LRP1: variants seen among roughly 807,000 people sequenced by gnomAD.
LRP1 encodes the protein LDL receptor related protein 1.
Under a neutral mutation model 541.5 loss-of-function variants are expected in LRP1, and 51 were observed. The ratio of observed to expected loss-of-function variants is 0.09; its 90% CI spans 0.08 to 0.12. LRP1 has a LOEUF of 0.12. LRP1 is among the 10% of genes least tolerant of loss of function. The probability of loss-of-function intolerance (pLI) is 1.00; values close to 1 mark genes in which losing one functional copy is unlikely to be tolerated. For missense variants in LRP1, 3,878 were observed against 6,376.2 expected (o/e 0.61, Z 13.34); for synonymous variants, 2,219 against 2,470.8 (o/e 0.90, Z 3.02).
rs371781657 is a variant in LRP1, at chr12:57,166,944, C to G, written c.2812C>G (p.Pro938Ala). 1.2e-6 allele frequency: 2 copies of G among 1,613,474 alleles called. No individual in the cohort carries two copies. The highest frequency in any genetic ancestry group is 8.5e-7 in the Non-Finnish European group (1 of 1,179,432). ...CTGCCCCCCAGCCCGCACCTGCCCC[C>G]CCAACCAGTTCTCCTGTGCCAGTGG... is the stretch of plus-strand genomic sequence containing the variant. ...NATCSARTCP[P>A]NQFSCASGRC... Residue 938 changes from proline to alanine, a missense_variant, in exon 18 of 89, where the codon CCC becomes GCC. Physicochemically the swap from Pro to Ala is conservative, Grantham distance 27 (BLOSUM62 -1). Transcript: ENST00000243077.
Position 57,193,588 on chromosome 12 carries a change from T to A in LRP1, c.7707T>A (p.Thr2569=). ...CAGACTCCCGCCGCTGCAAGAAGACTTTCCGGCAGTGCAGCAATGGGCGCT... is the reference window on the plus strand; with the variant it reads ...CAGACTCCCGCCGCTGCAAGAAGACATTCCGGCAGTGCAGCAATGGGCGCT... ...SYCNSRRCKK[T]FRQCSNGRCV... is the part of the protein sequence containing the mutation. Residue 2569 remains threonine (T), a synonymous_variant, in exon 47 of 89, where the codon ACT becomes ACA. Transcript: ENST00000243077. 2.5e-6 allele frequency: 4 copies of A among 1,614,146 alleles called. No homozygotes were observed. Among genetic ancestry groups the A allele is most frequent in the Non-Finnish European group, 3.4e-6 (4 of 1,180,018 alleles).
rs547114561 is a variant in LRP1 at position 57,154,934 on chromosome 12, G to T, written c.1227+233G>T. On this transcript the variant is annotated intron_variant, in intron 8 of 88. Coordinates refer to ENST00000243077, the MANE Select transcript of LRP1 (RefSeq NM_002332.3). This position sits in a 1 kb window ranked among gnomAD's most constrained non-coding sequence, Gnocchi z 4.6. The stretch of plus-strand genomic sequence containing the variant: ...GAAACACCACTTCTGTTTACTTCCT[G>T]TTTCTCATTTGACCCTTATAATAAC... 2.0e-4 allele frequency: 119 copies of T among 604,308 alleles called. No homozygotes were observed. Among genetic ancestry groups the T allele is most frequent in the Non-Finnish European group, 3.3e-4 (111 of 339,098 alleles). The allele number at this position is 604,308 out of a possible 1,614,324, so 37.4% of individuals were successfully genotyped here.
chr12:57,158,256 G>C lies in LRP1; in HGVS notation c.1562-146G>C. ...CGTCCTGTATGTTAGCGTGTGCGTG[G>C]TCTGTCCATCTGACCCAGAGCCTCG... On this transcript the variant is annotated intron_variant, in intron 10 of 88. Transcript: ENST00000243077. The surrounding 1 kb of genome is among the most constrained non-coding windows in gnomAD (Gnocchi z 5.3). The C allele has an allele frequency of 4.3e-6, 3 of 693,478 alleles. No individual in the cohort carries two copies. The African/African-American group carries it at 5.3e-5, about 12-fold the overall frequency. 43.0% of individuals were successfully genotyped at this position (693,478 alleles called of 1,614,324 possible).
intron 69 of LRP1, 26 bp from the exon 70 acceptor site, chr12:57,203,363 C>T (rs1176256978): frequency 2.5e-6 from 4 of 1,594,830 alleles, no homozygotes; most frequent in Non-Finnish European, 3.4e-6. Flanking sequence ...CGAGAGGTGA[C>T]CGGCTGCCTG....
At chr12:57,153,607 G>A (rs969714765) in intron 6 of LRP1, among the ~76,000 whole-genome samples, 12 of 152,146 alleles carry the variant, frequency 7.9e-5, no homozygotes, top group African/African-American at 2.9e-4. Context: ...CAGGGGACTG[G>A]GGCTGAGTAG....
chr12:57,212,112 C>T lies in LRP1; in HGVS notation c.13350-5C>T. On this transcript the variant is annotated splice_region_variant and splice_polypyrimidine_tract_variant and intron_variant, in intron 87 of 88. Coordinates refer to ENST00000243077, the MANE Select transcript of LRP1 (RefSeq NM_002332.3). The surrounding 1 kb of genome is among the most constrained non-coding windows in gnomAD (Gnocchi z 5.0). Reference sequence around the variant, plus strand: ...CTGTCTCCTTATACTCCTGCCTTTCCCCAGGGCTAAGGGCTTCCAGCACCA... The same window carrying T: ...CTGTCTCCTTATACTCCTGCCTTTCTCCAGGGCTAAGGGCTTCCAGCACCA... 1.2e-6 allele frequency: 2 copies of T among 1,613,778 alleles called. No homozygotes were observed. Among genetic ancestry groups the T allele is most frequent in the Non-Finnish European group, 1.7e-6 (2 of 1,179,886 alleles).
Position 57,175,510 on chromosome 12 carries a change from C to T in LRP1, c.3598C>T (p.Pro1200Ser). Residue 1200 changes from proline (P) to serine (S), a missense_variant, in exon 23 of 89, where the codon CCT (proline) becomes TCT (serine). Transcript: ENST00000243077. Reference sequence around the variant, plus strand: ...CTGCAGCCACAACTGCTCAGTGGCACCTGGCGAAGGCATTGTGTGTTCCTG... The same window carrying T: ...CTGCAGCCACAACTGCTCAGTGGCATCTGGCGAAGGCATTGTGTGTTCCTG... Reference protein sequence around the residue: ...GGCSHNCSVAPGEGIVCSCPL... With the variant: ...GGCSHNCSVASGEGIVCSCPL... The T allele has an allele frequency of 6.2e-7, 1 of 1,614,066 alleles. No homozygotes were observed. Among genetic ancestry groups the T allele is most frequent in the Non-Finnish European group, 8.5e-7 (1 of 1,180,026 alleles).
rs2036108376 is a variant in LRP1 at position 57,179,111 on chromosome 12, G to T, written c.4738+90G>T. 1 of 1,521,754 alleles carries T rather than the reference G, an allele frequency of 6.6e-7. No homozygotes were observed. Among genetic ancestry groups the T allele is most frequent in the South Asian group, 1.3e-5 (1 of 78,620 alleles). 94.3% of individuals were successfully genotyped at this position (1,521,754 alleles called of 1,614,324 possible). A position where few individuals can be genotyped will look rare whatever the true frequency, so the allele number is the denominator to read the frequency against. On this transcript the variant is annotated intron_variant, in intron 28 of 88. Coordinates refer to ENST00000243077, the MANE Select transcript of LRP1 (RefSeq NM_002332.3). This position sits in a 1 kb window ranked among gnomAD's most constrained non-coding sequence, Gnocchi z 6.8. ...GATCCCGGTTGTCAGCTAAGGCAGAGTCCCAGTCGGGAGGGTCCCGATAGG... is the reference window on the plus strand; with the variant it reads ...GATCCCGGTTGTCAGCTAAGGCAGATTCCCAGTCGGGAGGGTCCCGATAGG...
At position 57,205,084 on chromosome 12, in the gene LRP1, G is replaced by A. The variant is rs182048880; in HGVS notation, c.11195-25G>A. 1.4e-3 allele frequency: 2,261 copies of A among 1,599,516 alleles called. 18 individuals are homozygous for A. In the East Asian group the frequency reaches 0.016, roughly 11 times the overall value. ...GGAGGAGGCAGGGGAGAATACCCAG[G>A]GCCTAAAGCCTCTGCCCTCCTCAGA... On this transcript the variant is annotated intron_variant, in intron 72 of 88. Transcript: ENST00000243077. The surrounding 1 kb of genome is among the most constrained non-coding windows in gnomAD (Gnocchi z 4.6).
intron 44 of LRP1, 26 bp downstream of exon 44, chr12:57,191,538 T>G (rs778565795): frequency 2.0e-5 from 31 of 1,560,468 alleles, no homozygotes; most frequent in Non-Finnish European, 2.7e-5. Context: ...GCCAGCTGCC[T>G]CACCCTCCTG....
At chr12:57,167,167 A>G in intron 18 of LRP1, 121 bp downstream of exon 18, 1 of 780,148 alleles carries the variant, frequency 1.3e-6, no homozygotes, top group Non-Finnish European at 2.2e-6. Flanking sequence ...GAGTGAGTTA[A>G]TCTCGGTGGC....
At position 57,180,187 on chromosome 12, in the gene LRP1, G is replaced by A. The variant is rs200638539; in HGVS notation, c.5236+46G>A. The stretch of plus-strand genomic sequence containing the variant: ...CCCCACAGCCCCTCCCTAATTCCTT[G>A]ACCAGCAGGTGCTTGCAGGGTCCTT... On this transcript the variant is annotated intron_variant, in intron 31 of 88. Coordinates refer to ENST00000243077, the MANE Select transcript of LRP1 (RefSeq NM_002332.3). The A allele has an allele frequency of 1.4e-4, 220 of 1,587,946 alleles. 1 individual carries two copies. In the Admixed American group the frequency reaches 3.7e-3, roughly 26 times the overall value.
chr12:57,196,556 G>A (rs2036537241), intron 55 of LRP1, among the ~76,000 whole-genome samples: 1 of 152,130 alleles, frequency 6.6e-6, no homozygotes, highest in Non-Finnish European at 1.5e-5. Context: ...GGCTGGAGAG[G>A]GAAGTCTGGG....
Position 57,212,877 on chromosome 12 carries a change from A to G in LRP1, c.*322A>G, listed in dbSNP as rs1405375796. 7.4e-6 allele frequency: 2 copies of G among 270,862 alleles called. No individual in the cohort carries two copies. Among genetic ancestry groups the G allele is most frequent in the Non-Finnish European group, 7.0e-6 (1 of 142,978 alleles). The allele number at this position is 270,862 out of a possible 1,614,324, so 16.8% of individuals were successfully genotyped here. A position where few individuals can be genotyped will look rare whatever the true frequency, so the allele number is the denominator to read the frequency against. On this transcript the variant is annotated 3_prime_UTR_variant, in exon 89 of 89. Transcript: ENST00000243077. This position sits in a 1 kb window ranked among gnomAD's most constrained non-coding sequence, Gnocchi z 5.0. ...GGTGGTGCAGCCTTCCCCTCCCTGT[A>G]TAAGACACTTTGCCAAGGCTCTCCC...
In LRP1 at chr12:57,194,420, G is replaced by T. The variant is rs146710883; in HGVS notation, c.7985G>T (p.Arg2662Leu). 4.6e-6 allele frequency: 7 copies of T among 1,529,142 alleles called. No homozygotes were observed. In the East Asian group the frequency reaches 1.4e-4, roughly 30 times the overall value. 94.7% of individuals were successfully genotyped at this position (1,529,142 alleles called of 1,614,324 possible). ...VKGVLFQPCERTSLCYAPSWV... is the reference protein window; with the variant it reads ...VKGVLFQPCELTSLCYAPSWV... ...GGCGTGCTCTTCCAGCCCTGCGAGCGGACCTCACTCTGCTACGCACCCAGC... is the reference window on the plus strand; with the variant it reads ...GGCGTGCTCTTCCAGCCCTGCGAGCTGACCTCACTCTGCTACGCACCCAGC... The change falls in exon 49 of 89, where the codon CGG becomes CTG. Residue 2662 changes from arginine (R) to leucine (L), a missense_variant. Arg to Leu is a moderately radical substitution (Grantham distance 102, BLOSUM62 -2). Coordinates refer to ENST00000243077, the MANE Select transcript of LRP1 (RefSeq NM_002332.3).
At position 57,206,458 on chromosome 12, in the gene LRP1, C is replaced by T. The variant is rs554579984; in HGVS notation, c.11591-15C>T. 4.3e-6 allele frequency: 7 copies of T among 1,613,166 alleles called. No individual in the cohort carries two copies. The highest frequency in any genetic ancestry group is 4.5e-5 in the East Asian group (2 of 44,872). ...TGCATCCCACAGCCCCAGCCCTGGC[C>T]TCTTGCTTCTCCAGGCTCTGAGTAC... On this transcript the variant is annotated splice_polypyrimidine_tract_variant and intron_variant, in intron 75 of 88. Transcript: ENST00000243077. This position sits in a 1 kb window ranked among gnomAD's most constrained non-coding sequence, Gnocchi z 4.7.
rs914439777 is a variant in LRP1, at chr12:57,144,774, C to T, written c.449-198C>T. 5.2e-5 allele frequency: 32 copies of T among 613,490 alleles called. No homozygotes were observed. The Admixed American group carries it at 6.0e-4, about 12-fold the overall frequency. 38.0% of individuals were successfully genotyped at this position (613,490 alleles called of 1,614,324 possible). ...CCTGCGTGGATGAGTGATATGTACA[C>T]GAGTGTTTCTCTAGAGTGGATTCCA... On this transcript the variant is annotated intron_variant, in intron 4 of 88. Transcript: ENST00000243077.
Position 57,158,484 on chromosome 12 carries a change from G to A in LRP1, c.1644G>A (p.Pro548=), listed in dbSNP as rs746991676. The change falls in exon 11 of 89, where the codon CCG becomes CCA. Residue 548 remains proline, a synonymous_variant. Transcript: ENST00000243077. This position sits in a 1 kb window ranked among gnomAD's most constrained non-coding sequence, Gnocchi z 5.3. ...IRGMDMGAKV[P]DEHMIPIENL... is the part of the protein sequence containing the mutation. ...GCATGGATATGGGGGCCAAGGTCCC[G>A]GATGAGCACATGATCCCCATTGAAA... The A allele has an allele frequency of 1.2e-5, 20 of 1,614,064 alleles. No homozygotes were observed. Among genetic ancestry groups the A allele is most frequent in the African/African-American group, 4.0e-5 (3 of 74,926 alleles).
Position 57,175,641 on chromosome 12 carries a change from C to T in LRP1, c.3729C>T (p.Ser1243=), listed in dbSNP as rs200442207. The T allele has an allele frequency of 3.1e-4, 495 of 1,607,042 alleles. No individual in the cohort carries two copies. Among genetic ancestry groups the T allele is most frequent in the Non-Finnish European group, 4.0e-4 (473 of 1,175,552 alleles). ...AAAAGTGCGACCAGAACAAGTTCAGCGTGAAGTGCTCCTGCTACGAGGGCT... is the reference window on the plus strand; with the variant it reads ...AAAAGTGCGACCAGAACAAGTTCAGTGTGAAGTGCTCCTGCTACGAGGGCT... The part of the protein sequence containing the change: ...CSQKCDQNKF[S]VKCSCYEGWV... The change falls in exon 23 of 89, where the codon AGC becomes AGT. Residue 1243 remains serine (S), a synonymous_variant. Transcript: ENST00000243077.
Sources: allele counts gnomAD v4.1 joint callset (sites outside exome capture counted in the v4.1 genomes callset), GRCh38; gene constraint gnomAD v4.1.1; non-coding constraint Gnocchi (gnomAD v3.1); transcripts MANE v1.5; gene names NCBI Gene and HGNC (gene_info 2026-07-23, HGNC 2026-07-21).